The following SNTG1 variants were observed in gnomAD, a reference collection of about 807,000 sequenced individuals.
The protein encoded by SNTG1 is gamma-1-syntrophin.
A neutral mutation model predicts 74.7 loss-of-function variants in SNTG1; 39 were observed. The observed-to-expected ratio is 0.52, with a 90% confidence interval of 0.40 to 0.68. The LOEUF (loss-of-function observed/expected upper bound fraction) is 0.68, where lower values mean the gene tolerates loss of function less well. Among genes scored for constraint, SNTG1 ranks in the 30% least tolerant of loss-of-function variants. The pLI is 0.00. For missense variants in SNTG1, 685 were observed against 609.5 expected (o/e 1.12, Z -1.30); for synonymous variants, 254 against 217.1 (o/e 1.17, Z -1.49).
At chr8:50,365,186 C>T (rs2092074587) in intron 2 of SNTG1, among the ~76,000 whole-genome samples, 3 of 151,954 alleles carry the variant, frequency 2.0e-5, no homozygotes, top group Admixed American at 1.3e-4. Flanking sequence ...AACAAGAGAT[C>T]AAAAAGACAT....
intron 1 of SNTG1, among the ~76,000 whole-genome samples, chr8:50,128,149 AAAAG>A (rs1347592124): frequency 3.3e-5 from 5 of 152,174 alleles, no homozygotes; most frequent in Non-Finnish European, 7.4e-5. Context: ...ATATATTGGA[AAAAG>A]AAAGATTCTG....
intron 1 of SNTG1, among the ~76,000 whole-genome samples, chr8:50,096,545 T>G (rs1284272182): frequency 6.6e-6 from 1 of 152,108 alleles, no homozygotes; most frequent in East Asian, 1.9e-4. Context: ...AAAACTGAAT[T>G]GTGGAGTAAT....
intron 12 of SNTG1, among the ~76,000 whole-genome samples, chr8:50,555,916 G>A (rs567449187): frequency 5.3e-5 from 8 of 152,114 alleles, no homozygotes; most frequent in Non-Finnish European, 1.0e-4. Flanking sequence ...AACAAAAAAC[G>A]AAAAACAACC....
chr8:50,622,179 A>G (rs2094927607), intron 13 of SNTG1, among the ~76,000 whole-genome samples: 2 of 152,210 alleles, frequency 1.3e-5, no homozygotes, highest in Admixed American at 1.3e-4. Flanking sequence ...TCTCCTGTAG[A>G]ACATTAAAAA....
At chr8:50,358,113 G>A (rs2091867777) in intron 2 of SNTG1, among the ~76,000 whole-genome samples, 1 of 152,122 alleles carries the variant, frequency 6.6e-6, no homozygotes, top group South Asian at 2.1e-4. Flanking sequence ...CAGGCTCTGT[G>A]CTGGGTGCTA....
At chr8:50,648,888 C>T (rs1162353344) in intron 13 of SNTG1, among the ~76,000 whole-genome samples, 2 of 152,104 alleles carry the variant, frequency 1.3e-5, no homozygotes, top group Non-Finnish European at 2.9e-5. Context: ...TAATAATGGT[C>T]TTGCTTTGCT....
intron 18 of SNTG1, among the ~76,000 whole-genome samples, chr8:50,770,533 C>G (rs1585750008): frequency 1.3e-5 from 2 of 152,150 alleles, no homozygotes; most frequent in South Asian, 4.2e-4. Context: ...GCTGGGCTTG[C>G]AGATTCTAAA....
At chr8:50,730,482 A>C (rs1354680852) in intron 17 of SNTG1, among the ~76,000 whole-genome samples, 1 of 152,192 alleles carries the variant, frequency 6.6e-6, no homozygotes, top group African/African-American at 2.4e-5. Flanking sequence ...GGGGCATTAC[A>C]TGACAAAAGC....
intron 12 of SNTG1, among the ~76,000 whole-genome samples, chr8:50,570,248 T>TTTTATTTTATTTTATTTTATTTTA (rs1563590385): frequency 1.1e-4 from 4 of 37,106 alleles, no homozygotes; most frequent in Non-Finnish European, 3.2e-4. Context: ...TTTATTTTAT[T>TTTTATTTTATTTTATTTTATTTTA]TTATTTTATT....
At chr8:50,651,818 T>G (rs928607591) in intron 13 of SNTG1, among the ~76,000 whole-genome samples, 2 of 151,856 alleles carry the variant, frequency 1.3e-5, no homozygotes, top group Non-Finnish European at 2.9e-5. Flanking sequence ...TCGCTCTTGT[T>G]GCCCAGGCTG....
intron 2 of SNTG1, among the ~76,000 whole-genome samples, chr8:50,358,638 A>T (rs1411675292): frequency 6.6e-6 from 1 of 152,250 alleles, no homozygotes; most frequent in Non-Finnish European, 1.5e-5. Context: ...GATTATCTGG[A>T]TAATTTTCAT....
chr8:50,260,342 A>G (rs897876031), intron 2 of SNTG1, among the ~76,000 whole-genome samples: 4 of 152,340 alleles, frequency 2.6e-5, no homozygotes, highest in African/African-American at 9.6e-5. Flanking sequence ...ACCAAAGCAG[A>G]GGAGACTGAA....
chr8:50,346,450 G>C (rs1430779926), intron 2 of SNTG1, among the ~76,000 whole-genome samples: 1 of 151,954 alleles, frequency 6.6e-6, no homozygotes, highest in East Asian at 1.9e-4. Flanking sequence ...TTCTCTCCTG[G>C]GGCCTCCGTA....
intron 15 of SNTG1, among the ~76,000 whole-genome samples, chr8:50,672,175 C>T (rs994896511): frequency 6.6e-6 from 1 of 150,740 alleles, no homozygotes; most frequent in Admixed American, 6.6e-5. Flanking sequence ...GCACATGTAC[C>T]CTAAAACTTA....
chr8:50,387,490 A>G (rs1374660568), intron 2 of SNTG1, among the ~76,000 whole-genome samples: 20 of 152,146 alleles, frequency 1.3e-4, no homozygotes, highest in Non-Finnish European at 4.4e-5. Flanking sequence ...AATTTATTAT[A>G]AGTCATTTTT....
chr8:50,097,664 A>G (rs1586256546), intron 1 of SNTG1, among the ~76,000 whole-genome samples: 1 of 152,180 alleles, frequency 6.6e-6, no homozygotes, highest in East Asian at 1.9e-4. Flanking sequence ...AAAAAAAAAC[A>G]AAAAACGAAA....
intron 1 of SNTG1, among the ~76,000 whole-genome samples, chr8:50,058,684 A>G (rs902770398): frequency 1.5e-4 from 23 of 152,040 alleles, no homozygotes; most frequent in African/African-American, 5.6e-4. Flanking sequence ...GAGGATACTG[A>G]CATTGATAAA....
chr8:50,650,418 A>T (rs1176712572), intron 13 of SNTG1, among the ~76,000 whole-genome samples: 2 of 152,100 alleles, frequency 1.3e-5, no homozygotes, highest in Non-Finnish European at 2.9e-5. Flanking sequence ...ATTCATTCAC[A>T]TTGTTCACTC....
In SNTG1 at chr8:50,011,310, G is replaced by A. The variant is rs1815772358; in HGVS notation, c.-103+99079G>A. ...TAAAATTTTAAAATACCCCGTTAAA[G>A]ATTCTTGAAGGATGAAAATAATGTT... On this transcript the variant is annotated intron_variant, in intron 1 of 18. Transcript: ENST00000642720. Among the ~76,000 whole-genome samples, 3 of 152,248 alleles carry A rather than the reference G, an allele frequency of 2.0e-5. No homozygotes were observed. In the South Asian group the frequency reaches 6.2e-4, roughly 32 times the overall value.
Sources: allele counts gnomAD v4.1 joint callset (sites outside exome capture counted in the v4.1 genomes callset), GRCh38; gene constraint gnomAD v4.1.1; transcripts MANE v1.5; gene names NCBI Gene and HGNC (gene_info 2026-07-23, HGNC 2026-07-21).